Variants in GRIK1 observed in about 807,000 individuals in gnomAD.
GRIK1 encodes glutamate receptor ionotropic, kainate 1.
Under a neutral mutation model 105.7 loss-of-function variants are expected in GRIK1, and 69 were observed. The observed-to-expected ratio is 0.65, with a 90% confidence interval of 0.54 to 0.80. The LOEUF (loss-of-function observed/expected upper bound fraction) is 0.80, where lower values mean the gene tolerates loss of function less well. GRIK1 is among the 30% of genes least tolerant of loss of function. The pLI is 0.00. For synonymous variants in GRIK1, 438 were observed against 431.3 expected, an observed-to-expected ratio of 1.02 and a Z score of -0.19; for missense variants, 1,109 against 1,167.3, an observed-to-expected ratio of 0.95 and a Z score of 0.73.
chr21:29,556,400 C>A (rs2090256990), intron 15 of GRIK1, among the ~76,000 whole-genome samples: 1 of 152,092 alleles, frequency 6.6e-6, no homozygotes, highest in African/African-American at 2.4e-5. Flanking sequence ...AGATTGTCAC[C>A]CTTTAATTAT....
At chr21:29,788,354 T>G (rs1383103847) in intron 1 of GRIK1, among the ~76,000 whole-genome samples, 1 of 152,112 alleles carries the variant, frequency 6.6e-6, no homozygotes, top group Non-Finnish European at 1.5e-5. Context: ...GAGAAAGCAT[T>G]CAGGCAGAGG....
chr21:29,550,307 GA>G (rs1422172370), intron 16 of GRIK1, among the ~76,000 whole-genome samples: 2 of 152,036 alleles, frequency 1.3e-5, no homozygotes, highest in Non-Finnish European at 2.9e-5. Flanking sequence ...GGTTTTTCCT[GA>G]ATTCTAAGTG....
At chr21:29,717,563 G>C (rs976551155) in intron 1 of GRIK1, among the ~76,000 whole-genome samples, 1 of 152,252 alleles carries the variant, frequency 6.6e-6, no homozygotes, top group African/African-American at 2.4e-5. Flanking sequence ...ATTGGAGTTT[G>C]GACTTGCTTG....
At chr21:29,868,731 C>T (rs2146124705) in intron 1 of GRIK1, among the ~76,000 whole-genome samples, 1 of 152,020 alleles carries the variant, frequency 6.6e-6, no homozygotes, top group South Asian at 2.1e-4. Flanking sequence ...TTTCTGTTTC[C>T]TTTATTCACC....
At chr21:29,935,234 A>G (rs2071707424) in intron 1 of GRIK1, among the ~76,000 whole-genome samples, 1 of 152,234 alleles carries the variant, frequency 6.6e-6, no homozygotes, top group Non-Finnish European at 1.5e-5. Flanking sequence ...CTCTTCAAGA[A>G]TAGTATTTGA....
chr21:29,596,926 TAACC>T, intron 8 of GRIK1: 1 of 290,268 alleles, frequency 3.4e-6, no homozygotes. Flanking sequence ...ATCAATCAAT[TAACC>T]AACCAACCAG....
At chr21:29,690,842 G>T (rs1020814151) in intron 2 of GRIK1, among the ~76,000 whole-genome samples, 1 of 152,098 alleles carries the variant, frequency 6.6e-6, no homozygotes, top group African/African-American at 2.4e-5. Context: ...TATCATTTTG[G>T]AATAATATCT....
chr21:29,589,587 A>AT (rs1257028732), intron 10 of GRIK1, among the ~76,000 whole-genome samples: 3 of 101,952 alleles, frequency 2.9e-5, no homozygotes, highest in Non-Finnish European at 5.3e-5. Context: ...ACGCCTGACT[A>AT]TTTTTTTGTA....
Position 29,939,372 on chromosome 21 carries a change from G to C in GRIK1, c.118+11C>G. 7.0e-7 allele frequency: 1 copy of C among 1,423,192 alleles called. No homozygotes were observed. The highest frequency in any genetic ancestry group is 9.7e-7 in the Non-Finnish European group (1 of 1,029,586). 88.2% of individuals were successfully genotyped at this position (1,423,192 alleles called of 1,614,324 possible). A position where few individuals can be genotyped will look rare whatever the true frequency, so the allele number is the denominator to read the frequency against. On this transcript the variant is annotated intron_variant, in intron 1 of 17. Coordinates refer to ENST00000327783, the MANE Select transcript of GRIK1 (RefSeq NM_001330994.2). ...CACGTCTCCCGAGCAGGCAGCCTGG[G>C]GCTCACTCACCGATCCTGAGTACTT...
intron 16 of GRIK1, among the ~76,000 whole-genome samples, chr21:29,549,583 C>T (rs983026511): frequency 2.0e-5 from 3 of 152,092 alleles, no homozygotes; most frequent in African/African-American, 4.8e-5. Flanking sequence ...GAGGTAGAGC[C>T]TGTAAACAGC....
At chr21:29,572,403 T>A (rs1383032803) in intron 14 of GRIK1, among the ~76,000 whole-genome samples, 1 of 152,134 alleles carries the variant, frequency 6.6e-6, no homozygotes, top group Non-Finnish European at 1.5e-5. Context: ...TATGTATCCA[T>A]CCACCTCTCT....
In GRIK1 at chr21:29,906,041, A is replaced by G. The variant is rs182915380; in HGVS notation, c.118+33342T>C. Among the ~76,000 whole-genome samples, 26 of 152,264 alleles carry G rather than the reference A, an allele frequency of 1.7e-4. 1 individual carries two copies. In the East Asian group the frequency reaches 5.0e-3, roughly 29 times the overall value. ...TAATTTTTTTGAAGCAGATTTTATA[A>G]GAAGCAAAGAAATATAGAGGACTAT... is the stretch of plus-strand genomic sequence containing the variant. On this transcript the variant is annotated intron_variant, in intron 1 of 17. Transcript: ENST00000327783.
chr21:29,629,194 A>ATG (rs71191120), intron 7 of GRIK1, among the ~76,000 whole-genome samples: 26,840 of 132,458 alleles, frequency 0.2, 2,563 homozygotes, highest in Non-Finnish European at 0.24. Context: ...GAAAGGAGAA[A>ATG]TGTGTGTGTG....
At chr21:29,890,569 CT>C in intron 1 of GRIK1, among the ~76,000 whole-genome samples, 1 of 152,166 alleles carries the variant, frequency 6.6e-6, no homozygotes, top group Non-Finnish European at 1.5e-5. Context: ...GTCTTCCATT[CT>C]GAAGATATAA....
At chr21:29,580,067 GTA>G (rs1157577537) in intron 13 of GRIK1, among the ~76,000 whole-genome samples, 50 of 142,454 alleles carry the variant, frequency 3.5e-4, no homozygotes, top group East Asian at 1.2e-3. Context: ...ATATATATGT[GTA>G]TATATATGTA....
In GRIK1 at chr21:29,561,780, T is replaced by C. The variant is rs773784904; in HGVS notation, c.2200A>G (p.Arg734Gly). The C allele has an allele frequency of 2.5e-6, 4 of 1,614,022 alleles. No individual in the cohort carries two copies. The highest frequency in any genetic ancestry group is 2.5e-6 in the Non-Finnish European group (3 of 1,179,882). Residue 734 changes from arginine to glycine, a missense_variant, in exon 15 of 18, where the codon AGA (arginine) becomes GGA (glycine). Physicochemically the swap from Arg to Gly is moderately radical, Grantham distance 125. Transcript: ENST00000327783. ...CTCTGGATCCCCTCATCACTGTTTC[T>C]TACCAGGGCGGTCTGCTGCCTGCTG... ...MSSRQQTALV[R>G]NSDEGIQRVL...
At chr21:29,656,354 CAAAAA>C (rs3054331) in intron 4 of GRIK1, among the ~76,000 whole-genome samples, 2 of 51,168 alleles carry the variant, frequency 3.9e-5, no homozygotes, top group African/African-American at 5.3e-5. Context: ...GAGCGAGACT[CAAAAA>C]AAAAAAAAAA....
intron 3 of GRIK1, among the ~76,000 whole-genome samples, chr21:29,684,894 TTCA>T (rs1253382219): frequency 3.3e-5 from 5 of 152,218 alleles, no homozygotes; most frequent in Admixed American, 6.5e-5. Context: ...CTATTAATCA[TTCA>T]TCATTTATCT....
intron 1 of GRIK1, among the ~76,000 whole-genome samples, chr21:29,905,950 T>TTG (rs112283359): frequency 0.22 from 33,188 of 151,524 alleles, 4,108 homozygotes; most frequent in African/African-American, 0.34. Context: ...TTTTTGTTTG[T>TTG]TTGTTTGTTT....
Sources: allele counts gnomAD v4.1 joint callset (sites outside exome capture counted in the v4.1 genomes callset), GRCh38; gene constraint gnomAD v4.1.1; transcripts MANE v1.5; gene names NCBI Gene and HGNC (gene_info 2026-07-23, HGNC 2026-07-21).